CRYBG1: variants seen among roughly 807,000 people sequenced by gnomAD.
CRYBG1 encodes the protein beta/gamma crystallin domain-containing protein 1.
Under a neutral mutation model 189.2 loss-of-function variants are expected in CRYBG1, and 139 were observed. That is an observed-to-expected ratio of 0.73 (90% CI 0.64 to 0.85). The LOEUF is 0.85. Ranked by LOEUF, CRYBG1 falls within the 40% of genes least tolerant of loss-of-function variation. The pLI, the probability that CRYBG1 is intolerant of heterozygous loss-of-function variation, is 0.00. For synonymous variants in CRYBG1, 1,023 were observed against 1,017.1 expected (o/e 1.01, Z -0.11); for missense variants, 2,611 against 2,675.8 (o/e 0.98, Z 0.53).
intron 1 of CRYBG1, among the ~76,000 whole-genome samples, chr6:106,427,413 C>A (rs1771246418): frequency 6.6e-6 from 1 of 152,182 alleles, no homozygotes; most frequent in Admixed American, 6.5e-5. Context: ...TTCAGGCCCC[C>A]AAATCTTGGA....
rs1328879047 is a variant in CRYBG1, at chr6:106,525,362, T to C, written c.4388T>C (p.Ile1463Thr). The change falls in exon 6 of 22, where the codon ATA (isoleucine) becomes ACA (threonine). Residue 1463 changes from isoleucine to threonine, a missense_variant. Ile to Thr is a moderately conservative substitution (Grantham distance 89). Transcript: ENST00000633556. Reference protein sequence around the residue: ...DCSSWSLSPVILIKVVRGCWI... With the variant: ...DCSSWSLSPVTLIKVVRGCWI... Reference sequence around the variant, plus strand: ...AGTTCTTGGAGCCTCTCTCCAGTGATACTCATAAAAGTTGTTAGAGGATGG... The same window carrying C: ...AGTTCTTGGAGCCTCTCTCCAGTGACACTCATAAAAGTTGTTAGAGGATGG... The C allele has an allele frequency of 6.2e-7, 1 of 1,614,062 alleles. No homozygotes were observed. Among genetic ancestry groups the C allele is most frequent in the Admixed American group, 1.7e-5 (1 of 60,036 alleles).
intron 10 of CRYBG1, among the ~76,000 whole-genome samples, chr6:106,542,351 C>T (rs1201852163): frequency 6.7e-6 from 1 of 148,744 alleles, no homozygotes; most frequent in African/African-American, 2.5e-5. Flanking sequence ...GGCACCATCA[C>T]GGCTCACTGA....
intron 2 of CRYBG1, among the ~76,000 whole-genome samples, chr6:106,488,525 T>C (rs997365830): frequency 1.3e-5 from 2 of 152,106 alleles, no homozygotes; most frequent in African/African-American, 4.8e-5. Context: ...TAGCTGCTGC[T>C]GGTAACCTTC....
Position 106,520,808 on chromosome 6 carries a change from C to T in CRYBG1, c.3600C>T (p.Phe1200=). 1.2e-6 allele frequency: 2 copies of T among 1,614,154 alleles called. No individual in the cohort carries two copies. Among genetic ancestry groups the T allele is most frequent in the Non-Finnish European group, 1.7e-6 (2 of 1,180,022 alleles). Residue 1200 remains phenylalanine (F), a synonymous_variant, in exon 4 of 22, where the codon TTC becomes TTT. Transcript: ENST00000633556. ...CATCTGCTGAACAGAGCGTCCTCTT[C>T]AAGTCCCTGCACACCAACACTAATG... ...KRASAEQSVL[F]KSLHTNTNGN...
intron 1 of CRYBG1, among the ~76,000 whole-genome samples, chr6:106,432,051 G>A (rs1425888038): frequency 2.0e-5 from 3 of 152,132 alleles, no homozygotes; most frequent in Non-Finnish European, 4.4e-5. Context: ...TGTTCTTAAT[G>A]ACCAGAATAT....
chr6:106,378,432 C>T (rs547302117), intron 1 of CRYBG1, among the ~76,000 whole-genome samples: 12 of 152,324 alleles, frequency 7.9e-5, no homozygotes, highest in African/African-American at 2.9e-4. Flanking sequence ...GTCCTCGGCA[C>T]TGTTGCCCAC....
At chr6:106,527,252 C>T in intron 6 of CRYBG1, 53 bp from the exon 7 acceptor site, 1 of 1,502,702 alleles carries the variant, frequency 6.7e-7, no homozygotes, top group Non-Finnish European at 8.9e-7. Context: ...TTTGAGTAAT[C>T]AAAACCTCTC....
At chr6:106,495,706 C>T (rs1004607814) in intron 2 of CRYBG1, among the ~76,000 whole-genome samples, 6 of 151,428 alleles carry the variant, frequency 4.0e-5, no homozygotes, top group Non-Finnish European at 8.8e-5. Flanking sequence ...TAACAAGCTA[C>T]TCTCATTGAA....
chr6:106,392,013 A>G (rs1265542245), intron 1 of CRYBG1, among the ~76,000 whole-genome samples: 1 of 151,636 alleles, frequency 6.6e-6, no homozygotes, highest in Non-Finnish European at 1.5e-5. Context: ...AAGAGAGTTA[A>G]TCGTCCCTCA....
At chr6:106,506,715 A>C (rs542727126) in intron 2 of CRYBG1, among the ~76,000 whole-genome samples, 1 of 152,168 alleles carries the variant, frequency 6.6e-6, no homozygotes, top group Admixed American at 6.5e-5. Flanking sequence ...GGCCTCCCAA[A>C]ATGCTGGGAT....
chr6:106,450,642 A>G (rs1771765338), intron 1 of CRYBG1, among the ~76,000 whole-genome samples: 1 of 152,218 alleles, frequency 6.6e-6, no homozygotes, highest in Non-Finnish European at 1.5e-5. Context: ...TTCTCATTTC[A>G]AGAAATCAAG....
rs150780871 is a variant in CRYBG1, at chr6:106,376,713, G to T, written c.173+15632G>T. On this transcript the variant is annotated intron_variant, in intron 1 of 21. Transcript: ENST00000633556. ...ATTCCTTAGTGGTTTTCCCTTACCT[G>T]TCCACATCTTGTAACTAGTCAGTTA... is the stretch of plus-strand genomic sequence containing the variant. Among the ~76,000 whole-genome samples, 393 of 152,170 alleles carry T rather than the reference G, an allele frequency of 2.6e-3. 3 individuals are homozygous for T. The highest frequency in any genetic ancestry group is 8.8e-3 in the African/African-American group (364 of 41,524).
In CRYBG1 at chr6:106,527,358, AAGG is replaced by A. The variant is rs754556366; in HGVS notation, c.4469_4471del (p.Gly1490del). ...GAAGGGCACTCCATCCCCTTAGAAG[AAGG>A]AGAATTGGAACTCTCTGGTCTCTGG... is the stretch of plus-strand genomic sequence containing the variant. On this transcript the variant is annotated inframe_deletion, in exon 7 of 22. Coordinates refer to ENST00000633556, the MANE Select transcript of CRYBG1 (RefSeq NM_001371242.2). The A allele has an allele frequency of 6.2e-7, 1 of 1,613,608 alleles. No individual in the cohort carries two copies. The highest frequency in any genetic ancestry group is 8.5e-7 in the Non-Finnish European group (1 of 1,179,686).
chr6:106,389,866 TA>T (rs1378697699), intron 1 of CRYBG1, among the ~76,000 whole-genome samples: 1 of 152,118 alleles, frequency 6.6e-6, no homozygotes, highest in Non-Finnish European at 1.5e-5. Flanking sequence ...TGTGATGTTT[TA>T]ACTTTTTTCA....
rs185782811 is a variant in CRYBG1, at chr6:106,428,357, T to C, written c.174-23337T>C. Among the ~76,000 whole-genome samples the C allele has an allele frequency of 1.4e-3, 212 of 152,328 alleles. 2 individuals carry two copies. Among genetic ancestry groups the C allele is most frequent in the African/African-American group, 4.7e-3 (196 of 41,576 alleles). On this transcript the variant is annotated intron_variant, in intron 1 of 21. Coordinates refer to ENST00000633556, the MANE Select transcript of CRYBG1 (RefSeq NM_001371242.2). ...TGTCTTATGTAAACAACCAATATGA[T>C]GGATAATAATATCTGGTATATTTTA...
At chr6:106,544,115 T>C (rs1460576003) in intron 11 of CRYBG1, among the ~76,000 whole-genome samples, 3 of 152,256 alleles carry the variant, frequency 2.0e-5, no homozygotes, top group Admixed American at 2.0e-4. Flanking sequence ...ATTAGAATTA[T>C]GCTCCAAGCT....
intron 1 of CRYBG1, among the ~76,000 whole-genome samples, chr6:106,367,619 T>C (rs1772031074): frequency 1.3e-5 from 2 of 149,150 alleles, no homozygotes; most frequent in South Asian, 4.2e-4. Context: ...AATACATATA[T>C]ACTCCCTTTT....
rs1774797931 is a variant in CRYBG1 at position 106,563,908 on chromosome 6, T to A, written c.6283T>A (p.Leu2095Ile). ...GRIYSKLKPN[L>I]VLDIKGGTQY... ...GATTTACAGCAAGTTGAAGCCAAAT[T>A]TAGTTTTAGACATTAAAGGTAAGGG... Residue 2095 changes from leucine (L) to isoleucine (I), a missense_variant, in exon 21 of 22, where the codon TTA becomes ATA. By Grantham distance (5) the Leu-to-Ile change is conservative. Around this residue, in one of 3 missense-constraint regions of CRYBG1, gnomAD observed 1,622 missense variants for 1,735.0 expected, o/e 0.93. Transcript: ENST00000633556. 6.2e-7 allele frequency: 1 copy of A among 1,612,314 alleles called. No individual in the cohort carries two copies. The highest frequency in any genetic ancestry group is 1.1e-5 in the South Asian group (1 of 91,048).
At chr6:106,457,816 AT>A (rs1771919983) in intron 2 of CRYBG1, among the ~76,000 whole-genome samples, 1 of 152,174 alleles carries the variant, frequency 6.6e-6, no homozygotes, top group Non-Finnish European at 1.5e-5. Context: ...AGGAGTCCCT[AT>A]GTGCTCTATC....
Sources: allele counts gnomAD v4.1 joint callset (sites outside exome capture counted in the v4.1 genomes callset), GRCh38; gene constraint gnomAD v4.1.1; regional missense constraint gnomAD v4.1.1; transcripts MANE v1.5; gene names NCBI Gene and HGNC (gene_info 2026-07-23, HGNC 2026-07-21).